Variants in RABEP2 observed in about 807,000 individuals in gnomAD.
RABEP2 encodes rabaptin, RAB GTPase binding effector protein 2.
Under a neutral mutation model 74.1 loss-of-function variants are expected in RABEP2, and 57 were observed. That is an observed-to-expected ratio of 0.77 (90% CI 0.62 to 0.96). The LOEUF (loss-of-function observed/expected upper bound fraction) is 0.96, where lower values mean the gene tolerates loss of function less well. RABEP2 is among the 40% of genes least tolerant of loss of function. The probability of loss-of-function intolerance (pLI) is 0.00; values close to 1 mark genes in which losing one functional copy is unlikely to be tolerated. For synonymous variants in RABEP2, 351 were observed against 344.0 expected (o/e 1.02, Z -0.23); for missense variants, 692 against 756.3 (o/e 0.91, Z 1.00).
chr16:28,905,335 G>C, intron 12 of RABEP2, 62 bp downstream of exon 12: 1 of 1,224,754 alleles, frequency 8.2e-7, no homozygotes, highest in Non-Finnish European at 1.2e-6. Context: ...GTCCTTGCAA[G>C]ACCCAGGAGA....
At chr16:28,911,281 A>G in intron 5 of RABEP2, 102 bp from the exon 6 acceptor site, 1 of 1,045,662 alleles carries the variant, frequency 9.6e-7, no homozygotes, top group Non-Finnish European at 1.4e-6. Flanking sequence ...TCATCCACAC[A>G]GTCCGTCAAA....
intron 8 of RABEP2, 105 bp downstream of exon 8, chr16:28,908,504 G>A (rs969018124): frequency 2.3e-6 from 3 of 1,277,444 alleles, no homozygotes; most frequent in Non-Finnish European, 2.1e-6. Context: ...AGTTAGCCAA[G>A]CAAATACACA....
In RABEP2 at chr16:28,924,970, C is replaced by A; in HGVS notation, c.61+133G>T. On this transcript the variant is annotated intron_variant, in intron 1 of 12. Transcript: ENST00000358201. The stretch of plus-strand genomic sequence containing the variant: ...CCCCTTTTGCCTGTGGCTGTAGGCC[C>A]CGCCCCCTTTCCCGACGGCGTGGCC... The A allele has an allele frequency of 2.7e-6, 3 of 1,104,104 alleles. No homozygotes were observed. In the East Asian group the frequency reaches 7.7e-5, roughly 28 times the overall value. The allele number at this position is 1,104,104 out of a possible 1,614,324, so 68.4% of individuals were successfully genotyped here. A position where few individuals can be genotyped will look rare whatever the true frequency, so the allele number is the denominator to read the frequency against.
At chr16:28,916,750 C>T (rs576491883) in intron 3 of RABEP2, among the ~76,000 whole-genome samples, 87 of 151,290 alleles carry the variant, frequency 5.8e-4, no homozygotes, top group Non-Finnish European at 9.1e-4. Flanking sequence ...CTTTGGGAGG[C>T]CAAGGTGGGC....
chr16:28,923,910 G>A (rs958705334), intron 2 of RABEP2: 64 of 167,126 alleles, frequency 3.8e-4, no homozygotes, highest in African/African-American at 1.5e-3. Context: ...CAGCTGGGGC[G>A]TCTGGGGCCA....
At chr16:28,909,826 C>T (rs1964286262) in intron 7 of RABEP2, among the ~76,000 whole-genome samples, 1 of 151,318 alleles carries the variant, frequency 6.6e-6, no homozygotes. Context: ...AGATCGAGAC[C>T]ATCCTGGCTA....
rs1450597118 is a variant in RABEP2 at position 28,924,594 on chromosome 16, T to G, written c.83A>C (p.Gln28Pro). 1 of 1,611,764 alleles carries G rather than the reference T, an allele frequency of 6.2e-7. No homozygotes were observed. The highest frequency in any genetic ancestry group is 2.2e-5 in the East Asian group (1 of 44,894). The change falls in exon 2 of 13, where the codon CAG becomes CCG. Residue 28 changes from glutamine to proline, a missense_variant. By Grantham distance (76) the Gln-to-Pro change is moderately conservative. Coordinates refer to ENST00000358201, the MANE Select transcript of RABEP2 (RefSeq NM_024816.3). ...PGAALEDSRSQEGANGEAESG... is the reference protein window; with the variant it reads ...PGAALEDSRSPEGANGEAESG... ...CTCGGCCTCACCATTTGCCCCTTCC[T>G]GGGACCGGGAGTCCTCCAGTGCTGT...
chr16:28,920,013 G>T, intron 2 of RABEP2, 70 bp from the exon 3 acceptor site: 1 of 1,465,196 alleles, frequency 6.8e-7, no homozygotes, highest in Non-Finnish European at 9.1e-7. Context: ...GGCGAGCAGG[G>T]GACTCTTGAT....
Position 28,904,459 on chromosome 16 carries a change from A to C in RABEP2, c.*484T>G, listed in dbSNP as rs1375078058. 45 of 1,518,882 alleles carry C rather than the reference A, an allele frequency of 3.0e-5. No individual in the cohort carries two copies. Among genetic ancestry groups the C allele is most frequent in the Non-Finnish European group, 3.8e-5 (43 of 1,136,096 alleles). 94.1% of individuals were successfully genotyped at this position (1,518,882 alleles called of 1,614,324 possible). ...TTATTTATTGAAAATAAACGACGGA[A>C]AAGTCTGGCCTTGCCTCTGTGCAAG... On this transcript the variant is annotated 3_prime_UTR_variant, in exon 13 of 13. Coordinates refer to ENST00000358201, the MANE Select transcript of RABEP2 (RefSeq NM_024816.3).
intron 3 of RABEP2, among the ~76,000 whole-genome samples, chr16:28,918,725 C>T (rs1964428517): frequency 6.6e-6 from 1 of 151,858 alleles, no homozygotes; most frequent in Non-Finnish European, 1.5e-5. Flanking sequence ...GTGATCATAG[C>T]TTGCTGCAAG....
At chr16:28,909,065 A>G (rs976894517) in intron 7 of RABEP2, among the ~76,000 whole-genome samples, 1 of 151,586 alleles carries the variant, frequency 6.6e-6, no homozygotes, top group African/African-American at 2.4e-5. Flanking sequence ...ATATATATAA[A>G]TTTAAATTTT....
chr16:28,924,683 C>T (rs1964510492), intron 1 of RABEP2, 68 bp from the exon 2 acceptor site: 1 of 1,420,890 alleles, frequency 7.0e-7, no homozygotes, highest in East Asian at 2.3e-5. Context: ...CTTAGCAAGT[C>T]CTGCAACCTA....
intron 1 of RABEP2, chr16:28,924,879 C>T: frequency 2.7e-6 from 2 of 751,758 alleles, no homozygotes; most frequent in Non-Finnish European, 2.3e-6. Flanking sequence ...GTGGCCGCGC[C>T]CCTTCCTCAC....
intron 2 of RABEP2, among the ~76,000 whole-genome samples, chr16:28,920,666 G>A (rs533006564): frequency 6.6e-6 from 1 of 151,602 alleles, no homozygotes; most frequent in Admixed American, 6.6e-5. Context: ...GATTATAGGC[G>A]TGAGCCACTG....
chr16:28,906,299 G>C, intron 8 of RABEP2, 103 bp from the exon 9 acceptor site: 1 of 1,400,558 alleles, frequency 7.1e-7, no homozygotes, highest in Non-Finnish European at 9.4e-7. Context: ...GGAAGGAAGG[G>C]AGGATGGAAG....
intron 7 of RABEP2, 93 bp downstream of exon 7, chr16:28,910,795 G>T (rs1282712042): frequency 2.7e-6 from 3 of 1,131,504 alleles, no homozygotes; most frequent in East Asian, 2.4e-5. Context: ...GACAGGACAG[G>T]TTCCTTGACT....
intron 5 of RABEP2, among the ~76,000 whole-genome samples, chr16:28,913,302 C>A (rs1036445412): frequency 2.6e-5 from 4 of 152,068 alleles, no homozygotes; most frequent in African/African-American, 9.7e-5. Flanking sequence ...GTCAGTCTCC[C>A]TCACTGCCAG....
rs1420885744 is a variant in RABEP2, at chr16:28,905,689, T to G, written c.1491+15A>C. ...TGGGTCCCTCTCCTCCCAGTCCCCCTGCCCTCCCCCTCACCTTGCTCTGTT... is the reference window on the plus strand; with the variant it reads ...TGGGTCCCTCTCCTCCCAGTCCCCCGGCCCTCCCCCTCACCTTGCTCTGTT... On this transcript the variant is annotated intron_variant, in intron 11 of 12. Transcript: ENST00000358201. 21 of 1,613,286 alleles carry G rather than the reference T, an allele frequency of 1.3e-5. No homozygotes were observed. Among genetic ancestry groups the G allele is most frequent in the Non-Finnish European group, 1.8e-5 (21 of 1,179,606 alleles).
intron 3 of RABEP2, 39 bp downstream of exon 3, chr16:28,919,747 C>T (rs1224418395): frequency 8.3e-6 from 13 of 1,575,178 alleles, no homozygotes; most frequent in Non-Finnish European, 1.1e-5. Context: ...AACATTCTTC[C>T]AAATCCCAGG....
Sources: gnomAD v4.1 joint callset for allele counts (sites outside exome capture counted in the v4.1 genomes callset) on GRCh38, gnomAD v4.1.1 for gene constraint, MANE v1.5 for transcripts, NCBI Gene and HGNC (gene_info 2026-07-23, HGNC 2026-07-21) for gene names.